The following TNR variants were observed in gnomAD, a reference collection of about 807,000 sequenced individuals.
TNR encodes the protein tenascin-R.
TNR carries 45 observed loss-of-function variants against 150.4 expected under a neutral mutation model. The observed-to-expected ratio is 0.30, with a 90% confidence interval of 0.24 to 0.38. The LOEUF is 0.38. Among genes scored for constraint, TNR ranks in the 10% least tolerant of loss-of-function variants. The pLI is 1.00. For synonymous variants in TNR, 687 were observed against 678.4 expected (o/e 1.01, Z -0.20); for missense variants, 1,544 against 1,759.1 (o/e 0.88, Z 2.19).
chr1:175,552,291 CT>C (rs2102200832), intron 1 of TNR, among the ~76,000 whole-genome samples: 1 of 152,334 alleles, frequency 6.6e-6, no homozygotes, highest in East Asian at 1.9e-4. Context: ...TTTAACCTGA[CT>C]TGACAGTGAT....
intron 17 of TNR, 26 bp downstream of exon 17, chr1:175,355,477 C>A (rs746937859): frequency 1.9e-6 from 3 of 1,611,830 alleles, no homozygotes; most frequent in Non-Finnish European, 2.5e-6. Context: ...AAGAAATGGT[C>A]TTTTCCCTTT....
intron 1 of TNR, among the ~76,000 whole-genome samples, chr1:175,577,697 C>T (rs901736082): frequency 2.6e-5 from 4 of 152,064 alleles, no homozygotes; most frequent in African/African-American, 9.7e-5. Context: ...TGGAGGGCCA[C>T]GCTAACTGTC....
At chr1:175,480,855 G>A (rs1657777011) in intron 2 of TNR, among the ~76,000 whole-genome samples, 1 of 151,868 alleles carries the variant, frequency 6.6e-6, no homozygotes, top group South Asian at 2.1e-4. Flanking sequence ...GAGTCTCATT[G>A]TACTACCTCA....
intron 18 of TNR, among the ~76,000 whole-genome samples, chr1:175,342,600 A>G (rs1460298116): frequency 6.6e-6 from 1 of 152,232 alleles, no homozygotes; most frequent in East Asian, 1.9e-4. Context: ...GATGGGGGTG[A>G]GCCTGGAGGC....
At chr1:175,627,292 G>A (rs1201205171) in intron 1 of TNR, among the ~76,000 whole-genome samples, 1 of 152,158 alleles carries the variant, frequency 6.6e-6, no homozygotes. Flanking sequence ...TTTCTTACCA[G>A]TGCACAAGCT....
At chr1:175,415,576 C>T (rs1352538058) in intron 2 of TNR, among the ~76,000 whole-genome samples, 2 of 152,222 alleles carry the variant, frequency 1.3e-5, no homozygotes, top group African/African-American at 4.8e-5. Context: ...TGGTTCAGAA[C>T]CTAATGGATC....
At chr1:175,631,841 G>C (rs1664338135) in intron 1 of TNR, among the ~76,000 whole-genome samples, 1 of 152,128 alleles carries the variant, frequency 6.6e-6, no homozygotes, top group African/African-American at 2.4e-5. Context: ...AAAGATATTA[G>C]CTCTTTCTTT....
intron 1 of TNR, among the ~76,000 whole-genome samples, chr1:175,727,912 T>C (rs942523377): frequency 3.3e-5 from 5 of 152,198 alleles, no homozygotes; most frequent in Non-Finnish European, 7.4e-5. Context: ...AATAAAATTG[T>C]GGAGGCAGGA....
At chr1:175,673,496 G>T (rs1665764792) in intron 1 of TNR, among the ~76,000 whole-genome samples, 1 of 152,268 alleles carries the variant, frequency 6.6e-6, no homozygotes, top group Non-Finnish European at 1.5e-5. Context: ...AAGTAAAGGG[G>T]CAAGCATATG....
intron 2 of TNR, among the ~76,000 whole-genome samples, chr1:175,512,847 A>T (rs1185142249): frequency 6.6e-6 from 1 of 152,162 alleles, no homozygotes; most frequent in Non-Finnish European, 1.5e-5. Flanking sequence ...ATACCCATGG[A>T]TCCTGCAACA....
intron 1 of TNR, among the ~76,000 whole-genome samples, chr1:175,713,704 T>C (rs1667082011): frequency 1.3e-5 from 2 of 152,048 alleles, no homozygotes. Flanking sequence ...AAGGAAAAAG[T>C]CTTAGGAGAA....
chr1:175,359,871 C>T, intron 14 of TNR, 140 bp from the exon 15 acceptor site: 1 of 1,101,886 alleles, frequency 9.1e-7, no homozygotes, highest in Non-Finnish European at 1.2e-6. Context: ...AACCTCTTCC[C>T]TTTCTCCTCT....
chr1:175,717,732 C>T (rs1667191164), intron 1 of TNR, among the ~76,000 whole-genome samples: 1 of 152,186 alleles, frequency 6.6e-6, no homozygotes, highest in South Asian at 2.1e-4. Flanking sequence ...GTCAAAGGCC[C>T]TTGCTGTGAC....
chr1:175,503,124 G>C (rs1557973323), intron 2 of TNR, among the ~76,000 whole-genome samples: 1 of 152,190 alleles, frequency 6.6e-6, no homozygotes, highest in Non-Finnish European at 1.5e-5. Context: ...TGAACAGCCA[G>C]TACACGTTGC....
intron 1 of TNR, among the ~76,000 whole-genome samples, chr1:175,687,332 C>G (rs1303852489): frequency 1.3e-5 from 2 of 152,158 alleles, no homozygotes; most frequent in Non-Finnish European, 2.9e-5. Context: ...TTAAGTTTCT[C>G]TAAGACACCT....
chr1:175,498,408 AC>A (rs1658579671), intron 2 of TNR, among the ~76,000 whole-genome samples: 1 of 152,206 alleles, frequency 6.6e-6, no homozygotes, highest in African/African-American at 2.4e-5. Flanking sequence ...GATTCTGAGG[AC>A]CAGGGAATGG....
intron 1 of TNR, among the ~76,000 whole-genome samples, chr1:175,674,433 C>CT (rs1665801255): frequency 6.6e-6 from 1 of 152,184 alleles, no homozygotes; most frequent in East Asian, 1.9e-4. Context: ...GCTGAAAAGC[C>CT]TCCCACCAGG....
At chr1:175,691,905 T>G (rs932348) in intron 1 of TNR, among the ~76,000 whole-genome samples, 5,696 of 152,270 alleles carry the variant, frequency 0.037, 156 homozygotes, top group East Asian at 0.09. Context: ...GTCTCAAGAC[T>G]CATCCAAGCC....
At chr1:175,336,740 C>G (rs1243825058) in intron 19 of TNR, among the ~76,000 whole-genome samples, 1 of 152,160 alleles carries the variant, frequency 6.6e-6, no homozygotes, top group Non-Finnish European at 1.5e-5. Flanking sequence ...AGGGAGACCC[C>G]AGGAAGAATG....
Sources: gnomAD v4.1 joint callset for allele counts (sites outside exome capture counted in the v4.1 genomes callset) on GRCh38, gnomAD v4.1.1 for gene constraint, MANE v1.5 for transcripts, NCBI Gene and HGNC (gene_info 2026-07-23, HGNC 2026-07-21) for gene names.